Variants in ATP11A observed in about 807,000 individuals in gnomAD.
The protein encoded by ATP11A is phospholipid-transporting ATPase IH.
In ATP11A, 81 loss-of-function variants were observed where a neutral mutation model predicts 154.4. The ratio of observed to expected loss-of-function variants is 0.52; its 90% confidence interval spans 0.44 to 0.63. The LOEUF (loss-of-function observed/expected upper bound fraction) is 0.63, where lower values mean the gene tolerates loss of function less well. ATP11A is among the 30% of genes least tolerant of loss of function. The pLI, the probability that ATP11A is intolerant of heterozygous loss-of-function variation, is 0.00. For missense variants in ATP11A, 1,316 were observed against 1,474.3 expected (o/e 0.89, Z 1.76); for synonymous variants, 623 against 585.9 (o/e 1.06, Z -0.91).
At chr13:112,839,477 C>G (rs1474676215) in intron 16 of ATP11A, among the ~76,000 whole-genome samples, 1 of 152,042 alleles carries the variant, frequency 6.6e-6, no homozygotes, top group Non-Finnish European at 1.5e-5. Context: ...GTGAAAGACC[C>G]CCCACCATGG....
At chr13:112,870,684 T>C (rs796742135) in intron 25 of ATP11A, among the ~76,000 whole-genome samples, 1 of 152,174 alleles carries the variant, frequency 6.6e-6, no homozygotes, top group Non-Finnish European at 1.5e-5. Context: ...GCCCGCTTTT[T>C]AATTCTTTAT....
intron 17 of ATP11A, among the ~76,000 whole-genome samples, chr13:112,848,506 T>C (rs2079669717): frequency 6.6e-6 from 1 of 152,194 alleles, no homozygotes; most frequent in Non-Finnish European, 1.5e-5. Context: ...CAAATAGGCC[T>C]TAGAAAGGCA....
Position 112,690,311 on chromosome 13 carries a change from G to T in ATP11A, c.-106G>T. The stretch of plus-strand genomic sequence containing the variant: ...CTGCACCGCCCGGCGCGCCGAGGCC[G>T]TGACCGGAGCGGGGGGCGCGGCCGC... On this transcript the variant is annotated 5_prime_UTR_variant, in exon 1 of 30. Transcript: ENST00000375645. The surrounding 1 kb of genome is among the most constrained non-coding windows in gnomAD (Gnocchi z 5.6). 1 of 886,902 alleles carries T rather than the reference G, an allele frequency of 1.1e-6. No individual in the cohort carries two copies. The highest frequency in any genetic ancestry group is 1.4e-6 in the Non-Finnish European group (1 of 703,346). The allele number at this position is 886,902 out of a possible 1,614,324, so 54.9% of individuals were successfully genotyped here.
chr13:112,879,691 A>G (rs906924202), intron 29 of ATP11A, among the ~76,000 whole-genome samples: 29 of 152,376 alleles, frequency 1.9e-4, no homozygotes, highest in African/African-American at 5.8e-4. Context: ...GCCTGCAGCC[A>G]GCACATGCCC....
At chr13:112,874,471 G>A (rs139353186) in intron 27 of ATP11A, among the ~76,000 whole-genome samples, 1 of 152,182 alleles carries the variant, frequency 6.6e-6, no homozygotes, top group African/African-American at 2.4e-5. Context: ...AGAGACTGTC[G>A]CTGTAAGCCA....
chr13:112,787,245 T>C (rs368430162), intron 2 of ATP11A, among the ~76,000 whole-genome samples: 82 of 120,142 alleles, frequency 6.8e-4, no homozygotes, highest in African/African-American at 2.6e-3. Flanking sequence ...CCTACTTAAT[T>C]CACACCGGGT....
Position 112,883,429 on chromosome 13 carries a change from T to G in ATP11A, c.*1563T>G. 2.7e-6 allele frequency: 1 copy of G among 374,524 alleles called. No homozygotes were observed. The highest frequency in any genetic ancestry group is 2.1e-5 in the African/African-American group (1 of 48,200). The allele number at this position is 374,524 out of a possible 1,614,324, so 23.2% of individuals were successfully genotyped here. On this transcript the variant is annotated 3_prime_UTR_variant, in exon 30 of 30. Transcript: ENST00000375645. ...CCAACGCTGGAGGAGGAGCCGGCCC[T>G]CACGCCCGCCCCGCGCCACGCTGTG...
intron 1 of ATP11A, among the ~76,000 whole-genome samples, chr13:112,758,817 A>G (rs1054537988): frequency 3.9e-5 from 6 of 152,216 alleles, no homozygotes; most frequent in Non-Finnish European, 7.3e-5. Context: ...ATTTTCCTGC[A>G]CAGTTACATT....
In ATP11A at chr13:112,791,405, A is replaced by G. The variant is rs968414789; in HGVS notation, c.162+6148A>G. ...GGCGGAGCTCGCCCGACAGCCCCAC[A>G]TGCCTGGTTCTCCCTGCAGATGAGG... On this transcript the variant is annotated intron_variant, in intron 2 of 29. Coordinates refer to ENST00000375645, the MANE Select transcript of ATP11A (RefSeq NM_015205.3). Among the ~76,000 whole-genome samples, 10 of 152,236 alleles carry G rather than the reference A, an allele frequency of 6.6e-5. No homozygotes were observed. The South Asian group carries it at 1.0e-3, about 16-fold the overall frequency.
At chr13:112,708,182 C>G (rs189522930) in intron 1 of ATP11A, among the ~76,000 whole-genome samples, 1 of 152,286 alleles carries the variant, frequency 6.6e-6, no homozygotes, top group East Asian at 1.9e-4. Flanking sequence ...GCTTCCACAA[C>G]CAGCAGGATG....
Position 112,842,380 on chromosome 13 carries a change from G to A in ATP11A, c.1809+1G>A. ...AGCCAGAGTGGAGCGTAACGCAGTG[G>A]TGAGAGCCGGGCTGGGGAGGGCCTC... is the stretch of plus-strand genomic sequence containing the variant. On this transcript the variant is annotated splice_donor_variant, in intron 17 of 29. Coordinates refer to ENST00000375645, the MANE Select transcript of ATP11A (RefSeq NM_015205.3). LOFTEE classifies it high-confidence loss of function. 1 of 1,597,348 alleles carries A rather than the reference G, an allele frequency of 6.3e-7. No individual in the cohort carries two copies. The highest frequency in any genetic ancestry group is 1.1e-5 in the South Asian group (1 of 88,382).
intron 1 of ATP11A, among the ~76,000 whole-genome samples, chr13:112,758,209 G>A (rs898838417): frequency 3.3e-5 from 5 of 150,570 alleles, no homozygotes; most frequent in Admixed American, 2.0e-4. Context: ...TTACAGGCAC[G>A]CACCACCATG....
chr13:112,877,641 C>T (rs1193925321), intron 28 of ATP11A, among the ~76,000 whole-genome samples: 2 of 152,136 alleles, frequency 1.3e-5, no homozygotes, highest in Non-Finnish European at 2.9e-5. Flanking sequence ...CCACCTGGCC[C>T]CTGGGTGCAT....
At position 112,864,329 on chromosome 13, in the gene ATP11A, C is replaced by T. The variant is rs1400203890; in HGVS notation, c.2991+1754C>T. Among the ~76,000 whole-genome samples the T allele has an allele frequency of 2.1e-5, 2 of 96,180 alleles. 1 individual carries two copies. The highest frequency in any genetic ancestry group is 4.3e-5 in the Non-Finnish European group (2 of 46,544). 63.1% of individuals were successfully genotyped at this position (96,180 alleles called of 152,430 possible). A position where few individuals can be genotyped will look rare whatever the true frequency, so the allele number is the denominator to read the frequency against. On this transcript the variant is annotated intron_variant, in intron 25 of 29. Transcript: ENST00000375645. ...CCAGCGGGGTCCATCACCACATGGG[C>T]AGTAATTCAGTGCAGGCCATGCAGC... is the stretch of plus-strand genomic sequence containing the variant.
intron 1 of ATP11A, among the ~76,000 whole-genome samples, chr13:112,727,552 A>T (rs1890010249): frequency 6.6e-6 from 1 of 152,164 alleles, no homozygotes; most frequent in Non-Finnish European, 1.5e-5. Flanking sequence ...TCTTTCCAAA[A>T]AAAAAAAAGA....
intron 1 of ATP11A, among the ~76,000 whole-genome samples, chr13:112,773,808 G>T (rs1236036319): frequency 6.6e-6 from 1 of 152,238 alleles, no homozygotes; most frequent in Non-Finnish European, 1.5e-5. Context: ...TGCGTCTGTG[G>T]GTGACGCGCA....
chr13:112,691,057 G>A (rs1885100749), intron 1 of ATP11A, among the ~76,000 whole-genome samples: 1 of 152,212 alleles, frequency 6.6e-6, no homozygotes, highest in Non-Finnish European at 1.5e-5. Flanking sequence ...TCTGGAATTT[G>A]CCCCTTCAGT....
chr13:112,866,453 T>C (rs1157793890), intron 25 of ATP11A, among the ~76,000 whole-genome samples: 1 of 151,786 alleles, frequency 6.6e-6, no homozygotes, highest in Admixed American at 6.6e-5. Context: ...CTTCCCTCGA[T>C]TTTAAATTAA....
Position 112,785,349 on chromosome 13 carries a change from C to T in ATP11A, c.162+92C>T. ...TTCTCGGTTTCAAAGAGCGGCTCTG[C>T]TCCTGGCCCTGCTGTCACAGCCACC... On this transcript the variant is annotated intron_variant, in intron 2 of 29. Transcript: ENST00000375645. The surrounding 1 kb of genome is among the most constrained non-coding windows in gnomAD (Gnocchi z 4.8). 2 of 1,307,160 alleles carry T rather than the reference C, an allele frequency of 1.5e-6. No individual in the cohort carries two copies. The highest frequency in any genetic ancestry group is 6.2e-5 in the Admixed American group (2 of 32,256). The allele number at this position is 1,307,160 out of a possible 1,614,324, so 81.0% of individuals were successfully genotyped here.
Sources: allele counts gnomAD v4.1 joint callset (sites outside exome capture counted in the v4.1 genomes callset), GRCh38; gene constraint gnomAD v4.1.1; non-coding constraint Gnocchi (gnomAD v3.1); transcripts MANE v1.5; gene names NCBI Gene and HGNC (gene_info 2026-07-23, HGNC 2026-07-21).